The following VPS13B variants were observed in gnomAD, a reference collection of about 807,000 sequenced individuals.
VPS13B encodes intermembrane lipid transfer protein VPS13B.
Under a neutral mutation model 426.4 loss-of-function variants are expected in VPS13B, and 285 were observed. The observed-to-expected ratio is 0.67, with a 90% CI of 0.61 to 0.74. The LOEUF (loss-of-function observed/expected upper bound fraction) is 0.74, where lower values mean the gene tolerates loss of function less well. VPS13B is among the 30% of genes least tolerant of loss of function. VPS13B has a pLI of 0.00. For synonymous variants in VPS13B, 1,676 were observed against 1,676.4 expected, an observed-to-expected ratio of 1.00 and a Z score of 0.01; for missense variants, 4,537 against 4,782.6, an observed-to-expected ratio of 0.95 and a Z score of 1.51.
At chr8:99,201,061 G>A (rs1814289380) in intron 17 of VPS13B, among the ~76,000 whole-genome samples, 1 of 150,352 alleles carries the variant, frequency 6.7e-6, no homozygotes, top group African/African-American at 2.5e-5. Context: ...ATTCCCATTG[G>A]CCAACATTTT....
chr8:99,133,977 A>G (rs1360174434), intron 8 of VPS13B, among the ~76,000 whole-genome samples: 1 of 152,238 alleles, frequency 6.6e-6, no homozygotes, highest in African/African-American at 2.4e-5. Context: ...TGGGGTTGCT[A>G]CAGACTTCCA....
chr8:99,877,443 T>G lies in VPS13B; in HGVS notation c.*1777T>G, dbSNP rs534606808. The G allele has an allele frequency of 6.5e-6, 1 of 152,770 alleles. No homozygotes were observed. The highest frequency in any genetic ancestry group is 1.9e-4 in the East Asian group (1 of 5,188). 9.5% of individuals were successfully genotyped at this position (152,770 alleles called of 1,614,324 possible). On this transcript the variant is annotated 3_prime_UTR_variant, in exon 62 of 62. Coordinates refer to ENST00000357162, the MANE Select transcript of VPS13B (RefSeq NM_152564.5). ...CCTTGAATTACTGACCACCCATAGA[T>G]GTCTACTGTTACCAGGTTTTACAAT...
chr8:99,067,188 G>T (rs759263165), intron 3 of VPS13B, among the ~76,000 whole-genome samples: 3 of 152,180 alleles, frequency 2.0e-5, no homozygotes, highest in Non-Finnish European at 2.9e-5. Context: ...AAAGACACAT[G>T]CACAGGTATG....
At chr8:99,175,460 C>G (rs1452144030) in intron 16 of VPS13B, among the ~76,000 whole-genome samples, 2 of 152,112 alleles carry the variant, frequency 1.3e-5, no homozygotes, top group Non-Finnish European at 2.9e-5. Flanking sequence ...CATTTACTAC[C>G]ATGCAATATA....
chr8:99,252,803 C>A (rs1817567269), intron 17 of VPS13B, among the ~76,000 whole-genome samples: 1 of 151,768 alleles, frequency 6.6e-6, no homozygotes, highest in African/African-American at 2.4e-5. Context: ...ATTAAAATAA[C>A]CAGTTTTTTT....
intron 4 of VPS13B, among the ~76,000 whole-genome samples, chr8:99,097,451 A>G (rs1288457903): frequency 6.6e-6 from 1 of 152,144 alleles, no homozygotes; most frequent in Non-Finnish European, 1.5e-5. Context: ...TTTGCCCTCA[A>G]AGAGTTAACT....
intron 44 of VPS13B, among the ~76,000 whole-genome samples, chr8:99,813,650 G>T (rs1162179081): frequency 1.3e-5 from 2 of 152,226 alleles, no homozygotes; most frequent in Non-Finnish European, 2.9e-5. Flanking sequence ...GATGGCTAGA[G>T]TATCTAGGGG....
In VPS13B at chr8:99,835,658, C is replaced by A. The variant is rs764798396; in HGVS notation, c.9862C>A (p.Leu3288Ile). Residue 3288 changes from leucine to isoleucine, a missense_variant, in exon 54 of 62, where the codon CTA (leucine) becomes ATA (isoleucine). This residue lies in a region of VPS13B where 4,311 missense variants were observed against 4,474.3 expected (regional missense o/e 0.96). Transcript: ENST00000357162. ...DCKTKDLLPS[L>I]LLRVEPLDEV... The stretch of plus-strand genomic sequence containing the variant: ...CAAGACCAAAGACTTACTTCCAAGC[C>A]TACTTTTGAGAGTTGAACCTCTAGA... 6.2e-7 allele frequency: 1 copy of A among 1,614,026 alleles called. No individual in the cohort carries two copies.
intron 8 of VPS13B, among the ~76,000 whole-genome samples, chr8:99,124,162 A>G (rs1231321070): frequency 6.6e-6 from 1 of 152,214 alleles, no homozygotes; most frequent in Non-Finnish European, 1.5e-5. Context: ...GAAGGTAAGT[A>G]CCATAAAGGT....
intron 35 of VPS13B, among the ~76,000 whole-genome samples, chr8:99,666,283 A>G (rs993600867): frequency 2.6e-5 from 4 of 152,200 alleles, no homozygotes; most frequent in Non-Finnish European, 1.5e-5. Context: ...GTAGAAAAAC[A>G]GGGAATCCTC....
intron 43 of VPS13B, among the ~76,000 whole-genome samples, chr8:99,786,120 G>A (rs1481905531): frequency 6.6e-6 from 1 of 152,138 alleles, no homozygotes; most frequent in African/African-American, 2.4e-5. Context: ...TCAGGAGTGT[G>A]GGGAGCAGTA....
rs564104417 is a variant in VPS13B at position 99,428,102 on chromosome 8, G to C, written c.3083-3435G>C. Among the ~76,000 whole-genome samples the C allele has an allele frequency of 2.2e-3, 332 of 152,258 alleles. 1 individual carries two copies. Among genetic ancestry groups the C allele is most frequent in the African/African-American group, 7.4e-3 (309 of 41,542 alleles). On this transcript the variant is annotated intron_variant, in intron 21 of 61. Coordinates refer to ENST00000357162, the MANE Select transcript of VPS13B (RefSeq NM_152564.5). The stretch of plus-strand genomic sequence containing the variant: ...TAGCCATATGTAGAAAGCTGAAACT[G>C]GATCCCTTCCTTACACCTTATACAA...
chr8:99,737,152 G>A (rs575749865), intron 39 of VPS13B, among the ~76,000 whole-genome samples: 1 of 99,488 alleles, frequency 1.0e-5, no homozygotes, highest in Non-Finnish European at 1.8e-5. Context: ...ACAGAGTCTC[G>A]CTCTGTCGCC....
intron 36 of VPS13B, among the ~76,000 whole-genome samples, chr8:99,708,614 C>T (rs1259875516): frequency 6.6e-6 from 1 of 152,116 alleles, no homozygotes; most frequent in Non-Finnish European, 1.5e-5. Flanking sequence ...TCATCAGGTG[C>T]TTTGGGAAGG....
intron 17 of VPS13B, among the ~76,000 whole-genome samples, chr8:99,237,004 T>A (rs1816687734): frequency 6.6e-6 from 1 of 152,164 alleles, no homozygotes; most frequent in East Asian, 1.9e-4. Context: ...TGATAGTGAA[T>A]AAGTCTTACA....
intron 35 of VPS13B, among the ~76,000 whole-genome samples, chr8:99,686,515 A>G (rs529067388): frequency 3.3e-5 from 5 of 152,066 alleles, no homozygotes; most frequent in Admixed American, 2.0e-4. Context: ...AACCTTAGGA[A>G]TCTACTTGGT....
chr8:99,616,824 T>G (rs1027517322), intron 33 of VPS13B, among the ~76,000 whole-genome samples: 1 of 152,236 alleles, frequency 6.6e-6, no homozygotes, highest in Non-Finnish European at 1.5e-5. Flanking sequence ...GATATAAATC[T>G]GTCTCTAGAC....
At chr8:99,146,860 G>A (rs1810759342) in intron 13 of VPS13B, among the ~76,000 whole-genome samples, 1 of 151,980 alleles carries the variant, frequency 6.6e-6, no homozygotes. Flanking sequence ...ATGAACCACT[G>A]TGCTGGCACT....
intron 21 of VPS13B, among the ~76,000 whole-genome samples, chr8:99,425,114 A>G (rs1414281177): frequency 3.9e-5 from 6 of 152,204 alleles, no homozygotes; most frequent in Admixed American, 3.9e-4. Context: ...AGGTGGATTC[A>G]CAGCCAAATT....
Sources: allele counts gnomAD v4.1 joint callset (sites outside exome capture counted in the v4.1 genomes callset), GRCh38; gene constraint gnomAD v4.1.1; regional missense constraint gnomAD v4.1.1; transcripts MANE v1.5; gene names NCBI Gene and HGNC (gene_info 2026-07-23, HGNC 2026-07-21).